Variants in GPR158 observed in about 807,000 individuals in gnomAD.
The protein encoded by GPR158 is metabotropic glycine receptor.
GPR158 carries 30 observed loss-of-function variants against 78.2 expected under a neutral mutation model. The observed-to-expected ratio is 0.38, with a 90% CI of 0.29 to 0.52. The LOEUF (loss-of-function observed/expected upper bound fraction) is 0.52. Among genes scored for constraint, GPR158 ranks in the 20% least tolerant of loss-of-function variants. The probability of loss-of-function intolerance (pLI) is 0.83; values close to 1 mark genes in which losing one functional copy is unlikely to be tolerated. For synonymous variants in GPR158, 581 were observed against 591.1 expected (o/e 0.98, Z 0.25); for missense variants, 1,463 against 1,523.5 (o/e 0.96, Z 0.66).
At chr10:25,521,254 G>A (rs543927788) in intron 5 of GPR158, among the ~76,000 whole-genome samples, 107 of 152,264 alleles carry the variant, frequency 7.0e-4, no homozygotes, top group African/African-American at 2.4e-3. Context: ...ACTGGCCTGC[G>A]CCCACTGTCT....
At chr10:25,191,254 T>C (rs1445527790) in intron 1 of GPR158, among the ~76,000 whole-genome samples, 1 of 152,242 alleles carries the variant, frequency 6.6e-6, no homozygotes, top group Non-Finnish European at 1.5e-5. Context: ...CAATTTATTT[T>C]TATGGGTGAG....
rs1835531021 is a variant in GPR158 at position 25,473,049 on chromosome 10, G to A, written c.1404+6330G>A. Among the ~76,000 whole-genome samples, 2 of 152,088 alleles carry A rather than the reference G, an allele frequency of 1.3e-5. 1 individual carries two copies. The highest frequency in any genetic ancestry group is 4.2e-4 in the South Asian group (2 of 4,816). ...TCTTGTGCCAATTTTCAAAGGGAAT[G>A]CTTCCAGTTTTTGCCCATTCAGTAT... On this transcript the variant is annotated intron_variant, in intron 5 of 10. Transcript: ENST00000376351.
intron 5 of GPR158, among the ~76,000 whole-genome samples, chr10:25,467,451 G>A (rs1386477314): frequency 2.6e-5 from 4 of 152,120 alleles, no homozygotes; most frequent in Admixed American, 6.5e-5. Context: ...CACAAAGGAC[G>A]ACTTTGCAGG....
chr10:25,387,546 T>G (rs974640476), intron 2 of GPR158, among the ~76,000 whole-genome samples: 1 of 147,298 alleles, frequency 6.8e-6, no homozygotes, highest in Non-Finnish European at 1.5e-5. Context: ...GACAGGGTGT[T>G]GCTCTGTCAC....
At chr10:25,541,235 C>T (rs1348552592) in intron 5 of GPR158, among the ~76,000 whole-genome samples, 1 of 151,918 alleles carries the variant, frequency 6.6e-6, no homozygotes, top group Non-Finnish European at 1.5e-5. Flanking sequence ...CATAATTCCA[C>T]TAAAATGCTC....
chr10:25,486,227 C>G (rs961248517), intron 5 of GPR158, among the ~76,000 whole-genome samples: 1 of 152,048 alleles, frequency 6.6e-6, no homozygotes, highest in Non-Finnish European at 1.5e-5. Context: ...TAATTCAAAC[C>G]CTACTTTCAA....
Position 25,236,565 on chromosome 10 carries a change from T to C in GPR158, c.1008+15408T>C, listed in dbSNP as rs557488366. Among the ~76,000 whole-genome samples, 30 of 152,352 alleles carry C rather than the reference T, an allele frequency of 2.0e-4. No homozygotes were observed. In the South Asian group the frequency reaches 6.0e-3, roughly 31 times the overall value. On this transcript the variant is annotated intron_variant, in intron 2 of 10. Coordinates refer to ENST00000376351, the MANE Select transcript of GPR158 (RefSeq NM_020752.3). ...TCTCATTCTGCAATACCCAACCACT[T>C]GCCTTCCATGATTCTACCATGCTTT... is the stretch of plus-strand genomic sequence containing the variant.
chr10:25,188,634 A>C (rs952666897), intron 1 of GPR158, among the ~76,000 whole-genome samples: 2 of 152,242 alleles, frequency 1.3e-5, no homozygotes, highest in Non-Finnish European at 2.9e-5. Context: ...AAATTAATTC[A>C]AGATGGATTG....
chr10:25,550,652 C>G (rs1448153422), intron 5 of GPR158, among the ~76,000 whole-genome samples: 1 of 152,020 alleles, frequency 6.6e-6, no homozygotes, highest in Non-Finnish European at 1.5e-5. Context: ...GTATAACATG[C>G]AGGTTTGTTA....
chr10:25,546,557 T>C (rs1836664922), intron 5 of GPR158, among the ~76,000 whole-genome samples: 1 of 152,182 alleles, frequency 6.6e-6, no homozygotes, highest in Admixed American at 6.5e-5. Flanking sequence ...ATGAATGAAT[T>C]CTCCCTCTCA....
intron 5 of GPR158, among the ~76,000 whole-genome samples, chr10:25,535,785 T>A (rs1239186334): frequency 6.6e-6 from 1 of 152,230 alleles, no homozygotes; most frequent in African/African-American, 2.4e-5. Flanking sequence ...TTCTTTCCTC[T>A]TCTCTCTATA....
intron 2 of GPR158, among the ~76,000 whole-genome samples, chr10:25,346,881 A>G (rs1030483355): frequency 6.6e-6 from 1 of 152,004 alleles, no homozygotes; most frequent in Non-Finnish European, 1.5e-5. Context: ...TTAAGAGAAC[A>G]AAAGTGGAGT....
chr10:25,580,918 A>ATTTT (rs201391296), intron 7 of GPR158, among the ~76,000 whole-genome samples: 1 of 108,978 alleles, frequency 9.2e-6, no homozygotes, highest in African/African-American at 2.7e-5. Flanking sequence ...ATTTTATTTT[A>ATTTT]TTTTATTTTA....
At chr10:25,524,082 GAATAA>G (rs1255032580) in intron 5 of GPR158, among the ~76,000 whole-genome samples, 2 of 151,660 alleles carry the variant, frequency 1.3e-5, no homozygotes, top group African/African-American at 4.8e-5. Flanking sequence ...ATTAGAAAAA[GAATAA>G]AATATTTACA....
intron 2 of GPR158, among the ~76,000 whole-genome samples, chr10:25,282,839 A>AT (rs1854296074): frequency 6.6e-6 from 1 of 152,074 alleles, no homozygotes; most frequent in Non-Finnish European, 1.5e-5. Flanking sequence ...TTTCTTATGA[A>AT]TTATCTGAGT....
chr10:25,501,829 C>A (rs527830250), intron 5 of GPR158, among the ~76,000 whole-genome samples: 9 of 152,260 alleles, frequency 5.9e-5, no homozygotes, highest in Admixed American at 5.2e-4. Context: ...GAAGACAGAA[C>A]AAACACCAGA....
At chr10:25,560,559 C>T (rs1323743517) in intron 6 of GPR158, among the ~76,000 whole-genome samples, 3 of 152,190 alleles carry the variant, frequency 2.0e-5, no homozygotes, top group African/African-American at 4.8e-5. Context: ...GCCATTGCGC[C>T]CATCCTAAAA....
intron 5 of GPR158, among the ~76,000 whole-genome samples, chr10:25,471,720 G>A (rs1231936482): frequency 1.3e-5 from 2 of 152,190 alleles, no homozygotes; most frequent in Admixed American, 6.5e-5. Flanking sequence ...CAGTGATGGT[G>A]AGCATTTTTT....
chr10:25,461,933 G>A (rs981688978), intron 4 of GPR158, among the ~76,000 whole-genome samples: 3 of 151,708 alleles, frequency 2.0e-5, no homozygotes, highest in Non-Finnish European at 4.4e-5. Context: ...ATAGAGACGG[G>A]GTTTCACCAT....
Sources: gnomAD v4.1 joint callset for allele counts (sites outside exome capture counted in the v4.1 genomes callset) on GRCh38, gnomAD v4.1.1 for gene constraint, MANE v1.5 for transcripts, NCBI Gene and HGNC (gene_info 2026-07-23, HGNC 2026-07-21) for gene names.